LONRF3: variants seen among roughly 807,000 people sequenced by gnomAD.
LONRF3 encodes LON peptidase N-terminal domain and RING finger protein 3.
A neutral mutation model predicts 51.7 loss-of-function variants in LONRF3; 19 were observed. The observed-to-expected ratio is 0.37, with a 90% CI of 0.26 to 0.54. LONRF3 has a LOEUF of 0.54. Among genes scored for constraint, LONRF3 ranks in the 20% least tolerant of loss-of-function variants. The pLI is 0.86. For missense variants in LONRF3, 521 were observed against 623.9 expected, an observed-to-expected ratio of 0.84 and a Z score of 1.76; for synonymous variants, 265 against 257.8, an observed-to-expected ratio of 1.03 and a Z score of -0.27.
intron 3 of LONRF3, among the ~76,000 whole-genome samples, chrX:118,985,402 G>T (rs185132545): frequency 1.5e-3 from 163 of 111,473 alleles, no homozygotes; most frequent in Non-Finnish European, 1.4e-3. Context: ...TTATGGCCCC[G>T]GGTGCTGTGA....
intron 5 of LONRF3, among the ~76,000 whole-genome samples, chrX:119,001,292 A>G (rs898051113): frequency 2.3e-4 from 26 of 111,921 alleles, no homozygotes; most frequent in Non-Finnish European, 9.4e-5. Flanking sequence ...GTCTATTTGG[A>G]TGCAGAAATA....
chrX:119,004,641 C>G (rs1924579654), intron 5 of LONRF3, among the ~76,000 whole-genome samples: 1 of 111,722 alleles, frequency 9.0e-6, no homozygotes, highest in Non-Finnish European at 1.9e-5. Context: ...TTTTCATAGG[C>G]TCCCCAGGTG....
At chrX:119,007,138 G>A (rs978646162) in intron 6 of LONRF3, among the ~76,000 whole-genome samples, 4 of 112,715 alleles carry the variant, frequency 3.5e-5, no homozygotes, top group African/African-American at 6.4e-5. Context: ...TGTTGGAAAC[G>A]AAAGTATTAA....
At chrX:118,986,564 A>G (rs1313895468) in intron 3 of LONRF3, among the ~76,000 whole-genome samples, 1 of 112,199 alleles carries the variant, frequency 8.9e-6, no homozygotes, top group African/African-American at 3.2e-5. Context: ...TGAGTTTTAA[A>G]ATCCCACTGC....
At chrX:119,014,068 A>AAATGAGATGTGAAATTCCTTTC (rs1324624060) in intron 9 of LONRF3, 139 bp from the exon 10 acceptor site, 19 of 605,120 alleles carry the variant, frequency 3.1e-5, no homozygotes, top group Non-Finnish European at 4.6e-5. Context: ...ATTTCACATC[A>AAATGAGATGTGAAATTCCTTTC]AGCAAAGGAG....
intron 1 of LONRF3, chrX:118,976,743 G>A (rs1922097537): frequency 1.8e-5 from 2 of 113,365 alleles, no homozygotes; most frequent in Admixed American, 9.2e-5. Flanking sequence ...TGAGCCGCCA[G>A]CCGGTGTTGC....
chrX:118,994,748 A>G (rs1199327837), intron 5 of LONRF3, among the ~76,000 whole-genome samples: 1 of 112,113 alleles, frequency 8.9e-6, no homozygotes, highest in African/African-American at 3.2e-5. Flanking sequence ...AAAGAGGGAC[A>G]GTATATAATG....
intron 2 of LONRF3, 29 bp downstream of exon 2, chrX:118,978,492 G>A: frequency 2.0e-6 from 2 of 1,021,913 alleles, no homozygotes; most frequent in Non-Finnish European, 2.7e-6. Flanking sequence ...AGGTGGGAAG[G>A]GGTTGTACTG....
chrX:118,989,378 A>G lies in LONRF3; in HGVS notation c.1060-30A>G, dbSNP rs188584493. The G allele has an allele frequency of 2.7e-5, 33 of 1,202,671 alleles. No homozygotes were observed. In the Admixed American group the frequency reaches 7.1e-4, roughly 26 times the overall value. ...AGAGGACAATATTAGTCCTAAGAAGATTCTGATATGTGGCCCTTTCTTCAT... is the reference window on the plus strand; with the variant it reads ...AGAGGACAATATTAGTCCTAAGAAGGTTCTGATATGTGGCCCTTTCTTCAT... On this transcript the variant is annotated intron_variant, in intron 3 of 10. Coordinates refer to ENST00000371628, the MANE Select transcript of LONRF3 (RefSeq NM_001031855.3).
Position 119,014,371 on chromosome X carries a change from C to CT in LONRF3, c.2124+16dup. 1 of 1,200,431 alleles carries CT rather than the reference C, an allele frequency of 8.3e-7. No homozygotes were observed. Among genetic ancestry groups the CT allele is most frequent in the Non-Finnish European group, 1.1e-6 (1 of 888,914 alleles). ...CCGATCCTCAGGTATAGAAAAATGTCTATTTTTAAACGGGTTGTCCCACTA... is the reference window on the plus strand; with the variant it reads ...CCGATCCTCAGGTATAGAAAAATGTCTTATTTTTAAACGGGTTGTCCCACTA... On this transcript the variant is annotated intron_variant, in intron 10 of 10. Transcript: ENST00000371628.
intron 5 of LONRF3, among the ~76,000 whole-genome samples, chrX:119,004,329 C>T (rs752734813): frequency 8.9e-6 from 1 of 112,486 alleles, no homozygotes; most frequent in South Asian, 3.7e-4. Context: ...CTCCTCCAGA[C>T]CTCCATTGGC....
intron 1 of LONRF3, 70 bp from the exon 2 acceptor site, chrX:118,978,275 C>G (rs1324925316): frequency 1.4e-5 from 9 of 646,086 alleles, no homozygotes; most frequent in Non-Finnish European, 2.3e-5. Context: ...AAGATCCATA[C>G]TCATACAGGA....
rs1211841920 is a variant in LONRF3 at position 118,989,522 on chromosome X, A to G, written c.1174A>G (p.Lys392Glu). 2 of 1,211,608 alleles carry G rather than the reference A, an allele frequency of 1.7e-6. No homozygotes were observed. Among genetic ancestry groups the G allele is most frequent in the African/African-American group, 1.7e-5 (1 of 57,719 alleles). Residue 392 changes from lysine to glutamate, a missense_variant, in exon 4 of 11, where the codon AAA (lysine) becomes GAA (glutamate). Around this residue, in one of 2 missense-constraint regions of LONRF3, gnomAD observed 376 missense variants for 376.7 expected, o/e 1.00. Transcript: ENST00000371628. The part of the protein sequence containing the change: ...VKGDGQQHHM[K>E]DQEEEEEKWD... The stretch of plus-strand genomic sequence containing the variant: ...GGGGGATGGTCAGCAGCACCACATG[A>G]AAGACCAGGAAGAAGAGGAGGAGAA...
At position 118,989,781 on chromosome X, in the gene LONRF3, GC is replaced by G; in HGVS notation, c.1324+112del. ...GGGCTCCTTAGGCTCTGGGTGTGGG[GC>G]CCAGCTCTGGCATTTACTAGCTGTG... On this transcript the variant is annotated intron_variant, in intron 4 of 10. Transcript: ENST00000371628. 5.9e-6 allele frequency: 5 copies of G among 845,850 alleles called. No homozygotes were observed. The South Asian group carries it at 8.2e-5, about 14-fold the overall frequency. The allele number at this position is 845,850 out of a possible 1,213,427, so 69.7% of individuals were successfully genotyped here. A position where few individuals can be genotyped will look rare whatever the true frequency, so the allele number is the denominator to read the frequency against.
chrX:119,016,350 C>CTTTTTT (rs10640705), intron 10 of LONRF3, among the ~76,000 whole-genome samples: 2 of 88,499 alleles, frequency 2.3e-5, no homozygotes, highest in Non-Finnish European at 2.2e-5. Context: ...TTCTTTCTTT[C>CTTTTTT]TTTTTTTTTT....
intron 7 of LONRF3, among the ~76,000 whole-genome samples, chrX:119,010,374 A>G (rs1017555776): frequency 9.0e-6 from 1 of 111,723 alleles, no homozygotes; most frequent in African/African-American, 3.3e-5. Context: ...GACAGCAAAA[A>G]TGGTTCTGGT....
In LONRF3 at chrX:119,017,854, G is replaced by GAAT. The variant is rs781098454; in HGVS notation, c.*165_*167dup. On this transcript the variant is annotated 3_prime_UTR_variant, in exon 11 of 11. Transcript: ENST00000371628. ...GAGAAATTGAGTAGAAAGACCAAAA[G>GAAT]AATGTGACCTATTTGAAACTTTCTG... The GAAT allele has an allele frequency of 5.1e-5, 21 of 410,012 alleles. 1 individual carries two copies. The South Asian group carries it at 1.4e-3, about 28-fold the overall frequency. The allele number at this position is 410,012 out of a possible 1,213,427, so 33.8% of individuals were successfully genotyped here. A position where few individuals can be genotyped will look rare whatever the true frequency, so the allele number is the denominator to read the frequency against.
At chrX:119,014,709 A>T (rs1925324191) in intron 10 of LONRF3, among the ~76,000 whole-genome samples, 2 of 111,540 alleles carry the variant, frequency 1.8e-5, no homozygotes, top group South Asian at 7.6e-4. Context: ...TGCAAAGGCC[A>T]GGACTTAAGA....
At chrX:118,995,078 A>G (rs1036359994) in intron 5 of LONRF3, among the ~76,000 whole-genome samples, 5 of 112,492 alleles carry the variant, frequency 4.4e-5, no homozygotes, top group Admixed American at 9.4e-5. Flanking sequence ...AAGATAGACC[A>G]TATGATAGAC....
Sources: gnomAD v4.1 joint callset for allele counts (sites outside exome capture counted in the v4.1 genomes callset) on GRCh38, gnomAD v4.1.1 for gene constraint, gnomAD v4.1.1 regional missense constraint, MANE v1.5 for transcripts, NCBI Gene and HGNC (gene_info 2026-07-23, HGNC 2026-07-21) for gene names.